RUFY2: variants seen among roughly 807,000 people sequenced by gnomAD.
The protein encoded by RUFY2 is RUN and FYVE domain-containing protein 2.
A neutral mutation model predicts 94.4 loss-of-function variants in RUFY2; 49 were observed. That is an observed-to-expected ratio of 0.52 (90% CI 0.41 to 0.66). The LOEUF is 0.66. RUFY2 is among the 30% of genes least tolerant of loss of function. The pLI, the probability that RUFY2 is intolerant of heterozygous loss-of-function variation, is 0.00. For missense variants in RUFY2, 541 were observed against 692.8 expected, an observed-to-expected ratio of 0.78 and a Z score of 2.46; for synonymous variants, 255 against 235.7, an observed-to-expected ratio of 1.08 and a Z score of -0.75.
chr10:68,396,141 G>C (rs972207146), intron 4 of RUFY2, among the ~76,000 whole-genome samples: 3 of 152,172 alleles, frequency 2.0e-5, no homozygotes, highest in Non-Finnish European at 4.4e-5. Context: ...TGAGATTACA[G>C]GCATGCGCCA....
chr10:68,362,564 G>T (rs999030976), intron 15 of RUFY2, among the ~76,000 whole-genome samples: 1 of 151,656 alleles, frequency 6.6e-6, no homozygotes, highest in African/African-American at 2.4e-5. Flanking sequence ...GGCTCAGGTG[G>T]GAGGACTGCT....
intron 8 of RUFY2, 69 bp from the exon 9 acceptor site, chr10:68,384,221 C>T: frequency 6.7e-7 from 1 of 1,495,374 alleles, no homozygotes; most frequent in Non-Finnish European, 8.8e-7. Flanking sequence ...AGGTTATGTG[C>T]ATGGCCATAA....
At position 68,396,765 on chromosome 10, in the gene RUFY2, C is replaced by G. The variant is rs1457460613; in HGVS notation, c.398+15G>C. On this transcript the variant is annotated intron_variant, in intron 4 of 17. Coordinates refer to ENST00000602465, the MANE Select transcript of RUFY2 (RefSeq NM_001330103.2). ...AAAATAAAAAATGAAAAGATCACGA[C>G]TTAATAGTACTAACCTCAAGAGATC... 1 of 1,549,130 alleles carries G rather than the reference C, an allele frequency of 6.5e-7. No homozygotes were observed.
chr10:68,366,008 C>T (rs2132515026), intron 13 of RUFY2, among the ~76,000 whole-genome samples: 1 of 152,090 alleles, frequency 6.6e-6, no homozygotes, highest in South Asian at 2.1e-4. Flanking sequence ...ATGTTGAATA[C>T]TAAAGGCAAA....
chr10:68,394,411 C>T lies in RUFY2; in HGVS notation c.439G>A (p.Gly147Arg). Residue 147 changes from glycine to arginine, a missense_variant, in exon 5 of 18, where the codon GGA becomes AGA. Transcript: ENST00000602465. The part of the protein sequence containing the change: ...EYHALMMEEE[G>R]AVIVGLLVGL... ...ACCAGCAGCCCAACAATTACTGCTC[C>T]TTCTTCTTCCATCATTAGTGCGTGA... The T allele has an allele frequency of 6.2e-7, 1 of 1,613,582 alleles. No individual in the cohort carries two copies. Among genetic ancestry groups the T allele is most frequent in the Non-Finnish European group, 8.5e-7 (1 of 1,179,610 alleles).
intron 1 of RUFY2, chr10:68,405,691 C>G (rs888039166): frequency 1.6e-5 from 16 of 983,308 alleles, no homozygotes; most frequent in Non-Finnish European, 1.9e-5. Flanking sequence ...CAGAAGAAGC[C>G]GTCCAATTCT....
chr10:68,368,218 C>T (rs2048001892), intron 13 of RUFY2, among the ~76,000 whole-genome samples: 1 of 151,222 alleles, frequency 6.6e-6, no homozygotes, highest in Non-Finnish European at 1.5e-5. Context: ...CCGCCTGCCT[C>T]AGCCTCCCAA....
At position 68,346,048 on chromosome 10, in the gene RUFY2, A is replaced by C. The variant is rs773442676; in HGVS notation, c.1636T>G (p.Cys546Gly). Residue 546 changes from cysteine to glycine, a missense_variant, in exon 17 of 18, where the codon TGT becomes GGT. Coordinates refer to ENST00000602465, the MANE Select transcript of RUFY2 (RefSeq NM_001330103.2). ...GAGAATTCCTTTTCACAAAGTTTAC[A>C]ATGTGTTGCTTCTTTGTCTTTCAGC... ...VWLKDKEATH[C>G]KLCEKEFSLS... The C allele has an allele frequency of 3.7e-6, 6 of 1,613,946 alleles. No individual in the cohort carries two copies. In the Admixed American group the frequency reaches 1.0e-4, roughly 27 times the overall value.
chr10:68,397,709 C>T (rs2050494445), intron 3 of RUFY2, among the ~76,000 whole-genome samples: 1 of 151,542 alleles, frequency 6.6e-6, no homozygotes, highest in African/African-American at 2.4e-5. Context: ...GCCCAGTAGG[C>T]AGAGGCTGCA....
At chr10:68,361,816 T>C (rs1040945219) in intron 15 of RUFY2, among the ~76,000 whole-genome samples, 2 of 152,222 alleles carry the variant, frequency 1.3e-5, no homozygotes, top group Non-Finnish European at 2.9e-5. Context: ...ATATAACTAA[T>C]TCTATCTAAA....
Position 68,363,964 on chromosome 10 carries a change from A to T in RUFY2, c.1455+20T>A. 6.6e-7 allele frequency: 1 copy of T among 1,526,326 alleles called. No homozygotes were observed. Among genetic ancestry groups the T allele is most frequent in the Middle Eastern group, 1.7e-4 (1 of 5,810 alleles). The allele number at this position is 1,526,326 out of a possible 1,614,324, so 94.5% of individuals were successfully genotyped here. A position where few individuals can be genotyped will look rare whatever the true frequency, so the allele number is the denominator to read the frequency against. On this transcript the variant is annotated intron_variant, in intron 14 of 17. Coordinates refer to ENST00000602465, the MANE Select transcript of RUFY2 (RefSeq NM_001330103.2). ...TAACATTTGTCAAGACAGAATTTTT[A>T]AAGTTTTACCACTATTTACTTTTTT...
intron 3 of RUFY2, among the ~76,000 whole-genome samples, chr10:68,400,605 G>C (rs2050753395): frequency 6.6e-6 from 1 of 151,642 alleles, no homozygotes; most frequent in Non-Finnish European, 1.5e-5. Context: ...GAACCCATGA[G>C]GCGGAGGTTG....
intron 10 of RUFY2, among the ~76,000 whole-genome samples, chr10:68,382,676 T>C (rs2049161983): frequency 6.9e-6 from 1 of 144,714 alleles, no homozygotes; most frequent in African/African-American, 2.6e-5. Context: ...ATGGCGCCAC[T>C]GCACTCTAGC....
chr10:68,367,308 CG>C (rs772269354), intron 13 of RUFY2, among the ~76,000 whole-genome samples: 2 of 152,158 alleles, frequency 1.3e-5, no homozygotes, highest in Admixed American at 1.3e-4. Context: ...GTATCCCAGT[CG>C]TGTTCTTCAT....
intron 3 of RUFY2, among the ~76,000 whole-genome samples, chr10:68,397,152 T>C (rs1047766381): frequency 6.6e-6 from 1 of 152,122 alleles, no homozygotes; most frequent in Non-Finnish European, 1.5e-5. Context: ...TTCAGAAAAA[T>C]GCGTTGTTAG....
intron 16 of RUFY2, among the ~76,000 whole-genome samples, chr10:68,352,574 T>A (rs1215172819): frequency 6.6e-6 from 1 of 152,210 alleles, no homozygotes; most frequent in African/African-American, 2.4e-5. Flanking sequence ...AAGAAGCTTT[T>A]TTAAATAGAG....
chr10:68,406,674 T>C, intron 1 of RUFY2: 1 of 1,318,416 alleles, frequency 7.6e-7, no homozygotes, highest in South Asian at 1.5e-5. Context: ...GCCCCTTCCC[T>C]GCCTCTCTTC....
At chr10:68,355,913 C>CA (rs368423105) in intron 15 of RUFY2, among the ~76,000 whole-genome samples, 12,476 of 76,240 alleles carry the variant, frequency 0.16, 1,093 homozygotes, top group African/African-American at 0.34. Context: ...GACTCCATCT[C>CA]AAAAAAAAAA....
At chr10:68,368,426 G>A (rs1268063964) in intron 13 of RUFY2, among the ~76,000 whole-genome samples, 9 of 147,546 alleles carry the variant, frequency 6.1e-5, no homozygotes, top group Admixed American at 2.0e-4. Context: ...TTGGGAGGCC[G>A]AGATAGGCGG....
Sources: gnomAD v4.1 joint callset for allele counts (sites outside exome capture counted in the v4.1 genomes callset) on GRCh38, gnomAD v4.1.1 for gene constraint, MANE v1.5 for transcripts, NCBI Gene and HGNC (gene_info 2026-07-23, HGNC 2026-07-21) for gene names.